The following SUPT3H variants were observed in gnomAD, a reference collection of about 807,000 sequenced individuals.
The protein encoded by SUPT3H is transcription initiation protein SPT3 homolog.
A neutral mutation model predicts 44.3 loss-of-function variants in SUPT3H; 44 were observed. The ratio of observed to expected loss-of-function variants is 0.99; its 90% confidence interval spans 0.78 to 1.28. The LOEUF (loss-of-function observed/expected upper bound fraction) is 1.28. Ranked by LOEUF, SUPT3H falls within the 50% of genes most tolerant of loss-of-function variation. The probability of loss-of-function intolerance (pLI) is 0.00; values close to 1 mark genes in which losing one functional copy is unlikely to be tolerated. For missense variants in SUPT3H, 380 were observed against 387.1 expected (o/e 0.98, Z 0.15); for synonymous variants, 124 against 125.6 (o/e 0.99, Z 0.09).
At chr6:45,180,853 C>A (rs201222222) in intron 2 of SUPT3H, among the ~76,000 whole-genome samples, 16,884 of 151,224 alleles carry the variant, frequency 0.11, 1,323 homozygotes, top group East Asian at 0.26. Flanking sequence ...GCAACCAAAG[C>A]CAAAATTGAC....
At chr6:45,313,633 T>C (rs1212106484) in intron 2 of SUPT3H, among the ~76,000 whole-genome samples, 4 of 140,902 alleles carry the variant, frequency 2.8e-5, no homozygotes, top group African/African-American at 5.4e-5. Context: ...AGCAGCGAGA[T>C]TGAAATGGTA....
intron 2 of SUPT3H, among the ~76,000 whole-genome samples, chr6:45,200,540 C>T (rs1052300419): frequency 2.0e-5 from 3 of 151,444 alleles, no homozygotes; most frequent in Non-Finnish European, 3.0e-5. Flanking sequence ...ATATCATATG[C>T]TAATAGTACT....
Position 45,069,075 on chromosome 6 carries a change from T to C in SUPT3H, c.186+36847A>G, listed in dbSNP as rs147316263. ...GTACTTTACAATGCTTAGAGCACAA[T>C]AGAGAATCAATAAGTACTGTATTGA... On this transcript the variant is annotated intron_variant, in intron 3 of 10. Transcript: ENST00000371459. Among the ~76,000 whole-genome samples, 4 of 151,912 alleles carry C rather than the reference T, an allele frequency of 2.6e-5. 1 individual carries two copies. Among genetic ancestry groups the C allele is most frequent in the South Asian group, 4.2e-4 (2 of 4,814 alleles).
intron 7 of SUPT3H, 115 bp downstream of exon 7, chr6:44,961,638 A>G (rs988765886): frequency 1.2e-6 from 1 of 820,536 alleles, no homozygotes; most frequent in Non-Finnish European, 2.0e-6. Context: ...AGCACTTACA[A>G]CTACACATAT....
At chr6:44,968,588 T>A (rs1777107273) in intron 6 of SUPT3H, among the ~76,000 whole-genome samples, 1 of 152,068 alleles carries the variant, frequency 6.6e-6, no homozygotes, top group Non-Finnish European at 1.5e-5. Context: ...TAAAGCACCC[T>A]TTCTTTTTAT....
intron 9 of SUPT3H, among the ~76,000 whole-genome samples, chr6:44,948,661 C>T (rs1773746712): frequency 6.6e-6 from 1 of 152,166 alleles, no homozygotes; most frequent in Non-Finnish European, 1.5e-5. Context: ...CACTGGCCAT[C>T]AGAGAAATGC....
intron 2 of SUPT3H, among the ~76,000 whole-genome samples, chr6:45,245,182 G>C (rs1362366964): frequency 1.3e-5 from 2 of 151,970 alleles, no homozygotes; most frequent in Admixed American, 6.6e-5. Flanking sequence ...ATCTATTTTG[G>C]TTAATCTGGG....
Position 44,877,353 on chromosome 6 carries a change from T to C in SUPT3H, c.913-47496A>G, listed in dbSNP as rs181632042. On this transcript the variant is annotated intron_variant, in intron 10 of 10. Coordinates refer to ENST00000371459, the MANE Select transcript of SUPT3H (RefSeq NM_003599.4). ...GCGTGGTGGCGCATGCCTGTAGTCC[T>C]AGCTACTTTGGAGACTGAGGCAGCA... 4.0e-3 allele frequency among the ~76,000 whole-genome samples: 603 copies of C among 151,432 alleles called. 5 individuals are homozygous for C. The highest frequency in any genetic ancestry group is 0.014 in the African/African-American group (579 of 41,234).
At chr6:44,955,451 T>C (rs116604105) in intron 7 of SUPT3H, 2,383 of 152,490 alleles carry the variant, frequency 0.016, 34 homozygotes, top group South Asian at 0.03. Context: ...CTGCGGCTGC[T>C]GGCTTTCCCC....
At chr6:45,036,945 C>T (rs1488168507) in intron 3 of SUPT3H, among the ~76,000 whole-genome samples, 1 of 151,898 alleles carries the variant, frequency 6.6e-6, no homozygotes, top group Non-Finnish European at 1.5e-5. Flanking sequence ...AGAGCAACTT[C>T]CAAAGCAAGC....
chr6:44,883,934 C>T (rs1469255750), intron 10 of SUPT3H, among the ~76,000 whole-genome samples: 2 of 152,002 alleles, frequency 1.3e-5, no homozygotes, highest in Non-Finnish European at 2.9e-5. Context: ...AAAACCTAGG[C>T]AATACCCATA....
intron 2 of SUPT3H, among the ~76,000 whole-genome samples, chr6:45,161,245 C>T (rs2153601244): frequency 6.6e-6 from 1 of 152,202 alleles, no homozygotes; most frequent in South Asian, 2.1e-4. Context: ...TATAGCAACA[C>T]AAGAACAGAC....
chr6:45,120,426 A>AAAAAAAAAAAAAAAAAAAC, intron 2 of SUPT3H, among the ~76,000 whole-genome samples: 2 of 146,894 alleles, frequency 1.4e-5, no homozygotes, highest in Non-Finnish European at 3.0e-5. Context: ...CTAAAAAAAA[A>AAAAAAAAAAAAAAAAAAAC]AAAAAAAAAA....
At chr6:44,932,594 G>A in intron 10 of SUPT3H, 59 bp downstream of exon 10, 1 of 1,276,650 alleles carries the variant, frequency 7.8e-7, no homozygotes, top group African/African-American at 1.5e-5. Context: ...TTGACCACTT[G>A]AAAATCAAAA....
chr6:45,207,693 A>C (rs1157516097), intron 2 of SUPT3H, among the ~76,000 whole-genome samples: 1 of 152,170 alleles, frequency 6.6e-6, no homozygotes, highest in African/African-American at 2.4e-5. Flanking sequence ...GTGATCTGTG[A>C]TCACTGATTT....
At chr6:44,891,425 GGAACAAAATTCT>G (rs1763298393) in intron 10 of SUPT3H, among the ~76,000 whole-genome samples, 1 of 151,868 alleles carries the variant, frequency 6.6e-6, no homozygotes, top group Admixed American at 6.6e-5. Context: ...ACCATAAAAG[GGAACAAAATTCT>G]GATACACATT....
chr6:44,911,526 A>C (rs1464265403), intron 10 of SUPT3H, among the ~76,000 whole-genome samples: 6 of 152,206 alleles, frequency 3.9e-5, no homozygotes, highest in Non-Finnish European at 8.8e-5. Flanking sequence ...TATTAGTACC[A>C]TCATGATGGT....
intron 2 of SUPT3H, among the ~76,000 whole-genome samples, chr6:45,173,415 A>G (rs1285597532): frequency 6.6e-6 from 1 of 152,214 alleles, no homozygotes; most frequent in Non-Finnish European, 1.5e-5. Flanking sequence ...GAGCTTCATA[A>G]ACATAATCTC....
chr6:44,829,151 GA>G lies in SUPT3H; in HGVS notation c.*664del. 6.6e-6 allele frequency: 1 copy of G among 152,558 alleles called. No individual in the cohort carries two copies. The highest frequency in any genetic ancestry group is 1.5e-5 in the Non-Finnish European group (1 of 68,202). The allele number at this position is 152,558 out of a possible 1,614,324, so 9.5% of individuals were successfully genotyped here. On this transcript the variant is annotated 3_prime_UTR_variant, in exon 11 of 11. Transcript: ENST00000371459. The stretch of plus-strand genomic sequence containing the variant: ...GGATTGGAGGAACAGGAAAAGGAGG[GA>G]AATGAAGATGGAGGAAGAGGTTCTG...
Sources: gnomAD v4.1 joint callset for allele counts (sites outside exome capture counted in the v4.1 genomes callset) on GRCh38, gnomAD v4.1.1 for gene constraint, MANE v1.5 for transcripts, NCBI Gene and HGNC (gene_info 2026-07-23, HGNC 2026-07-21) for gene names.